PHRF1: variants seen among roughly 807,000 people sequenced by gnomAD.
PHRF1 encodes the protein PHD and RING finger domain-containing protein 1.
A neutral mutation model predicts 128.9 loss-of-function variants in PHRF1; 53 were observed. The ratio of observed to expected loss-of-function variants is 0.41; its 90% CI spans 0.33 to 0.52. The LOEUF (loss-of-function observed/expected upper bound fraction) is 0.52. Among genes scored for constraint, PHRF1 ranks in the 20% least tolerant of loss-of-function variants. The pLI is 0.21. For synonymous variants in PHRF1, 1,178 were observed against 980.6 expected (o/e 1.20, Z -3.76); for missense variants, 2,503 against 2,284.5 (o/e 1.10, Z -1.95).
At chr11:584,706 ACTT>A (rs933286340) in intron 3 of PHRF1, among the ~76,000 whole-genome samples, 2 of 139,110 alleles carry the variant, frequency 1.4e-5, no homozygotes, top group African/African-American at 5.5e-5. Context: ...CACTGTGAAC[ACTT>A]CTTTTTATTT....
chr11:587,205 C>T, intron 3 of PHRF1, 54 bp from the exon 4 acceptor site: 3 of 1,564,016 alleles, frequency 1.9e-6, no homozygotes, highest in East Asian at 2.3e-5. Flanking sequence ...GCCTCCAGTG[C>T]CGCGGTTCAC....
chr11:610,790 A>G (rs763193109), intron 16 of PHRF1, 29 bp downstream of exon 16: 5 of 1,594,644 alleles, frequency 3.1e-6, no homozygotes, highest in South Asian at 2.2e-5. Context: ...CACTTTCCCC[A>G]TGTTCCCATC....
At chr11:588,991 C>A (rs1854759055) in intron 4 of PHRF1, among the ~76,000 whole-genome samples, 1 of 151,954 alleles carries the variant, frequency 6.6e-6, no homozygotes, top group Non-Finnish European at 1.5e-5. Flanking sequence ...CAAAAATTAT[C>A]CGGGCGTGGT....
rs371127121 is a variant in PHRF1, at chr11:596,904, G to A, written c.621-19G>A. On this transcript the variant is annotated intron_variant, in intron 6 of 17. Transcript: ENST00000264555. The stretch of plus-strand genomic sequence containing the variant: ...CTGTGAGCAGCACCCGGATGCTTTG[G>A]CCCTGCTCTCTCCTGTAGGTACCAC... The A allele has an allele frequency of 3.6e-5, 58 of 1,610,068 alleles. No homozygotes were observed. Among genetic ancestry groups the A allele is most frequent in the Non-Finnish European group, 4.8e-5 (56 of 1,176,520 alleles).
chr11:582,797 T>C (rs1024353164), intron 3 of PHRF1, among the ~76,000 whole-genome samples: 24 of 151,712 alleles, frequency 1.6e-4, no homozygotes, highest in Admixed American at 8.5e-4. Context: ...GTGCTGGGAT[T>C]ACAGGCGTGA....
In PHRF1 at chr11:608,262, T is replaced by C. The variant is rs539237004; in HGVS notation, c.2806T>C (p.Ser936Pro). 2.3e-4 allele frequency: 378 copies of C among 1,609,056 alleles called. 4 individuals carry two copies. The South Asian group carries it at 3.9e-3, about 17-fold the overall frequency. The change falls in exon 14 of 18, where the codon TCC (serine) becomes CCC (proline). Residue 936 changes from serine (S) to proline (P), a missense_variant. Coordinates refer to ENST00000264555, the MANE Select transcript of PHRF1 (RefSeq NM_001286581.2). ...CCTGGCTGCCCGGCTGCGGAGGCCA[T>C]CCCCCCCAGAGCCCTGGGATGAGGA... ...QGLAARLRRP[S>P]PPEPWDEEDG...
At chr11:578,222 G>A (rs575500706) in intron 1 of PHRF1, among the ~76,000 whole-genome samples, 2 of 152,352 alleles carry the variant, frequency 1.3e-5, no homozygotes, top group Admixed American at 6.5e-5. Context: ...GTGCCAGAGG[G>A]TACCTGCGGA....
rs554332047 is a variant in PHRF1 at position 592,772 on chromosome 11, T to A, written c.620+98T>A. Reference sequence around the variant, plus strand: ...GCCTCTTCGCTCTGTGAAGTCTGAGTCCCAGCACCTGGAGCTGTGCTCACC... The same window carrying A: ...GCCTCTTCGCTCTGTGAAGTCTGAGACCCAGCACCTGGAGCTGTGCTCACC... On this transcript the variant is annotated intron_variant, in intron 6 of 17. Transcript: ENST00000264555. The A allele has an allele frequency of 2.3e-5, 30 of 1,326,626 alleles. No individual in the cohort carries two copies. In the South Asian group the frequency reaches 3.3e-4, roughly 15 times the overall value. 82.2% of individuals were successfully genotyped at this position (1,326,626 alleles called of 1,614,324 possible).
At position 597,607 on chromosome 11, in the gene PHRF1, C is replaced by T. The variant is rs1242141722; in HGVS notation, c.894+37C>T. The T allele has an allele frequency of 1.3e-6, 2 of 1,581,544 alleles. No individual in the cohort carries two copies. Among genetic ancestry groups the T allele is most frequent in the Non-Finnish European group, 1.7e-6 (2 of 1,165,450 alleles). ...AGCCCTGACGCCAGTCGTAGAACCC[C>T]AGCTGCCCAGAGTGATCTCGGCAGT... On this transcript the variant is annotated intron_variant, in intron 8 of 17. Transcript: ENST00000264555. This position sits in a 1 kb window ranked among gnomAD's most constrained non-coding sequence, Gnocchi z 6.5.
intron 1 of PHRF1, among the ~76,000 whole-genome samples, chr11:577,468 C>T (rs926478205): frequency 2.6e-5 from 4 of 152,238 alleles, no homozygotes; most frequent in Admixed American, 1.3e-4. Flanking sequence ...GTTGATCTCT[C>T]TCCTGGACCA....
At chr11:600,457 C>T (rs1450952370) in intron 9 of PHRF1, among the ~76,000 whole-genome samples, 1 of 141,668 alleles carries the variant, frequency 7.1e-6, no homozygotes, top group Non-Finnish European at 1.5e-5. Context: ...CCACTGCAGT[C>T]CAGCCTGGGT....
chr11:603,725 G>GTTTTTTTTTTTTTT, intron 10 of PHRF1, among the ~76,000 whole-genome samples: 1 of 103,282 alleles, frequency 9.7e-6, no homozygotes, highest in Non-Finnish European at 1.8e-5. Flanking sequence ...CCATATTTAA[G>GTTTTTTTTTTTTTT]TTTGTTTTTT....
chr11:609,729 T>C lies in PHRF1; in HGVS notation c.4264+9T>C. ...CGAGGACAGAGCCCCCCGTGAGTAG[T>C]GCCCCGGCCCCCACCGAGGACAGAG... On this transcript the variant is annotated intron_variant, in intron 14 of 17. Transcript: ENST00000264555. 7 of 1,349,550 alleles carry C rather than the reference T, an allele frequency of 5.2e-6. No individual in the cohort carries two copies. The highest frequency in any genetic ancestry group is 6.7e-6 in the Non-Finnish European group (7 of 1,041,932). 83.6% of individuals were successfully genotyped at this position (1,349,550 alleles called of 1,614,324 possible). A position where few individuals can be genotyped will look rare whatever the true frequency, so the allele number is the denominator to read the frequency against.
intron 12 of PHRF1, 45 bp downstream of exon 12, chr11:605,769 G>A: frequency 6.4e-7 from 1 of 1,566,618 alleles, no homozygotes; most frequent in Non-Finnish European, 8.6e-7. Flanking sequence ...GCAGCAGTTG[G>A]GCATCGGATG....
chr11:594,908 T>C (rs1004267642), intron 6 of PHRF1, among the ~76,000 whole-genome samples: 5 of 152,198 alleles, frequency 3.3e-5, no homozygotes, highest in Non-Finnish European at 5.9e-5. Context: ...ACAACGCAAG[T>C]ACATAAAAAC....
At chr11:583,454 C>T (rs1223638591) in intron 3 of PHRF1, among the ~76,000 whole-genome samples, 2 of 151,274 alleles carry the variant, frequency 1.3e-5, no homozygotes, top group East Asian at 1.9e-4. Flanking sequence ...GAGGTCGAGG[C>T]TACAGCGAGC....
intron 1 of PHRF1, among the ~76,000 whole-genome samples, chr11:580,262 C>T (rs1404969840): frequency 6.6e-6 from 1 of 152,232 alleles, no homozygotes; most frequent in East Asian, 1.9e-4. Flanking sequence ...CACGTATCTC[C>T]TTTCTTATCT....
chr11:609,207 G>A lies in PHRF1; in HGVS notation c.3751G>A (p.Glu1251Lys), dbSNP rs1356874380. The A allele has an allele frequency of 6.2e-7, 1 of 1,609,040 alleles. No individual in the cohort carries two copies. The highest frequency in any genetic ancestry group is 8.5e-7 in the Non-Finnish European group (1 of 1,179,796). ...QAPPVLEVAA[E>K]CEPDDLDLDY... ...TCCCCCTGTCCTGGAGGTGGCAGCTGAGTGTGAGCCGGACGACCTGGACCT... is the reference window on the plus strand; with the variant it reads ...TCCCCCTGTCCTGGAGGTGGCAGCTAAGTGTGAGCCGGACGACCTGGACCT... Residue 1251 changes from glutamate (E) to lysine (K), a missense_variant, in exon 14 of 18, where the codon GAG becomes AAG. Physicochemically the swap from Glu to Lys is moderately conservative, Grantham distance 56 (BLOSUM62 1). Transcript: ENST00000264555.
At position 607,991 on chromosome 11, in the gene PHRF1, C is replaced by T; in HGVS notation, c.2535C>T (p.Ser845=). 2 of 1,611,298 alleles carry T rather than the reference C, an allele frequency of 1.2e-6. No individual in the cohort carries two copies. Among genetic ancestry groups the T allele is most frequent in the Admixed American group, 3.3e-5 (2 of 60,026 alleles). The change falls in exon 14 of 18, where the codon AGC becomes AGT. Residue 845 remains serine (S), a synonymous_variant. Transcript: ENST00000264555. ...PTGSDSSAPG[S]SPERSGPGLL... is the part of the protein sequence containing the mutation. ...GCTCCGACTCCAGCGCCCCTGGCAG[C>T]AGCCCCGAGAGGTCTGGCCCCGGCC...
Sources: gnomAD v4.1 joint callset for allele counts (sites outside exome capture counted in the v4.1 genomes callset) on GRCh38, gnomAD v4.1.1 for gene constraint, Gnocchi (gnomAD v3.1) non-coding constraint, MANE v1.5 for transcripts, NCBI Gene and HGNC (gene_info 2026-07-23, HGNC 2026-07-21) for gene names.